The following B3GALT1 variants were observed in gnomAD, a reference collection of about 807,000 sequenced individuals.
The protein encoded by B3GALT1 is beta-1,3-galactosyltransferase 1.
B3GALT1 carries 10 observed loss-of-function variants against 23.2 expected under a neutral mutation model. That is an observed-to-expected ratio of 0.43 (90% CI 0.27 to 0.73). The LOEUF (loss-of-function observed/expected upper bound fraction) is 0.73, where lower values mean the gene tolerates loss of function less well. B3GALT1 is among the 30% of genes least tolerant of loss of function. The pLI is 0.21. For synonymous variants in B3GALT1, 156 were observed against 141.5 expected, an observed-to-expected ratio of 1.10 and a Z score of -0.73; for missense variants, 299 against 405.4, an observed-to-expected ratio of 0.74 and a Z score of 2.25.
At chr2:167,610,781 T>C (rs1685049352) in intron 2 of B3GALT1, among the ~76,000 whole-genome samples, 1 of 151,628 alleles carries the variant, frequency 6.6e-6, no homozygotes, top group Admixed American at 6.6e-5. Context: ...GAAAACCATA[T>C]AGAATCTAAC....
chr2:167,603,989 T>C (rs1358988155), intron 2 of B3GALT1, among the ~76,000 whole-genome samples: 1 of 151,924 alleles, frequency 6.6e-6, no homozygotes, highest in Non-Finnish European at 1.5e-5. Context: ...TTAAAACAAC[T>C]CAATGAGAAA....
intron 1 of B3GALT1, among the ~76,000 whole-genome samples, chr2:167,346,451 T>C: frequency 6.6e-6 from 1 of 152,188 alleles, no homozygotes; most frequent in East Asian, 1.9e-4. Context: ...TAATACCAAC[T>C]TGCAGAGCCA....
chr2:167,692,884 G>A (rs1408456031), intron 3 of B3GALT1, among the ~76,000 whole-genome samples: 1 of 152,026 alleles, frequency 6.6e-6, no homozygotes, highest in Non-Finnish European at 1.5e-5. Flanking sequence ...TAATCTGGGA[G>A]AAAACTGATG....
intron 1 of B3GALT1, among the ~76,000 whole-genome samples, chr2:167,477,458 G>T (rs865802822): frequency 6.6e-6 from 1 of 152,112 alleles, no homozygotes; most frequent in African/African-American, 2.4e-5. Context: ...ATCATAAGAA[G>T]AATAAAATTA....
chr2:167,734,550 A>G (rs2105269325), intron 3 of B3GALT1, among the ~76,000 whole-genome samples: 1 of 152,322 alleles, frequency 6.6e-6, no homozygotes, highest in Non-Finnish European at 1.5e-5. Flanking sequence ...CCATGAAATC[A>G]ATGCCATGAT....
intron 3 of B3GALT1, among the ~76,000 whole-genome samples, chr2:167,718,287 A>C (rs1475098019): frequency 6.6e-6 from 1 of 151,880 alleles, no homozygotes; most frequent in Admixed American, 6.6e-5. Context: ...TCATAAACAA[A>C]AAAAAAAAAT....
At chr2:167,724,569 T>C (rs1274352788) in intron 3 of B3GALT1, among the ~76,000 whole-genome samples, 4 of 152,248 alleles carry the variant, frequency 2.6e-5, no homozygotes, top group Non-Finnish European at 5.9e-5. Context: ...ATATGGGTTA[T>C]ATTTATCAAC....
At chr2:167,586,589 A>T (rs543142414) in intron 2 of B3GALT1, among the ~76,000 whole-genome samples, 17 of 152,262 alleles carry the variant, frequency 1.1e-4, no homozygotes, top group African/African-American at 4.1e-4. Context: ...GTGAGCTACC[A>T]CGCCAGGCCA....
chr2:167,715,811 A>G (rs1249294308), intron 3 of B3GALT1: 2 of 1,613,694 alleles, frequency 1.2e-6, no homozygotes, highest in Non-Finnish European at 1.7e-6. Context: ...TTCTTCAATT[A>G]GTCCAGAAAG....
At chr2:167,852,467 G>GGTGTGTGTGTGT (rs66820655) in intron 4 of B3GALT1, among the ~76,000 whole-genome samples, 14 of 146,478 alleles carry the variant, frequency 9.6e-5, no homozygotes, top group African/African-American at 1.5e-4. Context: ...TATTCGTGAT[G>GGTGTGTGTGTGT]GTGTGTGTGT....
chr2:167,471,739 A>G (rs992233692), intron 1 of B3GALT1, among the ~76,000 whole-genome samples: 11 of 152,282 alleles, frequency 7.2e-5, no homozygotes, highest in African/African-American at 2.6e-4. Context: ...AATACACCAC[A>G]TATGCATATT....
In B3GALT1 at chr2:167,715,585, A is replaced by G. The variant is rs1687129477; in HGVS notation, c.-352+68619A>G. On this transcript the variant is annotated intron_variant, in intron 3 of 4. Transcript: ENST00000392690. ...TATCTGCCATCAGTTCATCTTGTGG[A>G]GAATGTTTAGATTTCTCTTCTTTTA... The G allele has an allele frequency of 3.1e-6, 5 of 1,613,808 alleles. No individual in the cohort carries two copies. The East Asian group carries it at 8.9e-5, about 29-fold the overall frequency.
chr2:167,634,681 CA>C (rs1223097889), intron 2 of B3GALT1, among the ~76,000 whole-genome samples: 1 of 152,038 alleles, frequency 6.6e-6, no homozygotes, highest in Admixed American at 6.6e-5. Context: ...AGACCAATTA[CA>C]AGTTCTGAAA....
intron 3 of B3GALT1, among the ~76,000 whole-genome samples, chr2:167,799,705 C>CT (rs1389715841): frequency 2.0e-5 from 3 of 152,184 alleles, no homozygotes; most frequent in Non-Finnish European, 2.9e-5. Context: ...GTCATGCTTT[C>CT]TAGAGCACTC....
chr2:167,479,146 C>T (rs11884969), intron 1 of B3GALT1, among the ~76,000 whole-genome samples: 2,002 of 152,106 alleles, frequency 0.013, 41 homozygotes, highest in African/African-American at 0.042. Context: ...TGGAGTAGAT[C>T]ACTTCACCTT....
chr2:167,599,230 C>A (rs976689374), intron 2 of B3GALT1, among the ~76,000 whole-genome samples: 1 of 152,056 alleles, frequency 6.6e-6, no homozygotes, highest in Non-Finnish European at 1.5e-5. Flanking sequence ...TTACTAAAAC[C>A]AATAATATTT....
At chr2:167,377,081 T>C (rs901424241) in intron 1 of B3GALT1, among the ~76,000 whole-genome samples, 8 of 152,126 alleles carry the variant, frequency 5.3e-5, no homozygotes, top group African/African-American at 1.9e-4. Flanking sequence ...ATTTATTCCT[T>C]GATTTTGTTG....
At chr2:167,752,856 G>A (rs1687760597) in intron 3 of B3GALT1, among the ~76,000 whole-genome samples, 1 of 152,216 alleles carries the variant, frequency 6.6e-6, no homozygotes, top group African/African-American at 2.4e-5. Flanking sequence ...GTGAATTTGA[G>A]ATAAACCTGA....
At chr2:167,621,089 C>CTTTTTTTTT (rs35420239) in intron 2 of B3GALT1, among the ~76,000 whole-genome samples, 1 of 129,192 alleles carries the variant, frequency 7.7e-6, no homozygotes. Context: ...TTTTTCAGTT[C>CTTTTTTTTT]TTTTTTTTTT....
Sources: gnomAD v4.1 joint callset for allele counts (sites outside exome capture counted in the v4.1 genomes callset) on GRCh38, gnomAD v4.1.1 for gene constraint, MANE v1.5 for transcripts, NCBI Gene and HGNC (gene_info 2026-07-23, HGNC 2026-07-21) for gene names.